The following ZP3 variants were observed in gnomAD, a reference collection of about 807,000 sequenced individuals.
The protein encoded by ZP3 is zona pellucida glycoprotein 3.
In ZP3, 21 loss-of-function variants were observed where a neutral mutation model predicts 35.6. That is an observed-to-expected ratio of 0.59 (90% CI 0.42 to 0.85). The LOEUF (loss-of-function observed/expected upper bound fraction) is 0.85. Among genes scored for constraint, ZP3 ranks in the 40% least tolerant of loss-of-function variants. ZP3 has a pLI of 0.00. For synonymous variants in ZP3, 207 were observed against 214.5 expected (o/e 0.96, Z 0.31); for missense variants, 437 against 536.5 (o/e 0.81, Z 1.83).
rs748821832 is a variant in ZP3, at chr7:76,397,656, A to G, written c.-208A>G. On this transcript the variant is annotated 5_prime_UTR_variant, in exon 1 of 9. Coordinates refer to the ZP3 transcript ENST00000336517. ...AGGATGTGTCCGGTGCCATAGCCGA[A>G]GAAGGCGTTGGTGGTGGCGGCCATG... 6.8e-6 allele frequency: 11 copies of G among 1,613,798 alleles called. No homozygotes were observed. The South Asian group carries it at 1.1e-4, about 16-fold the overall frequency.
intron 1 of ZP3, among the ~76,000 whole-genome samples, chr7:76,426,907 C>CACACACACACACACA (rs57796274): frequency 3.9e-5 from 5 of 126,870 alleles, no homozygotes; most frequent in East Asian, 2.3e-4. Flanking sequence ...CACACACACA[C>CACACACACACACACA]AATAGGGTGT....
intron 1 of ZP3, among the ~76,000 whole-genome samples, chr7:76,414,786 C>G (rs73363103): frequency 0.015 from 1,932 of 127,810 alleles, 68 homozygotes; most frequent in East Asian, 0.047. Flanking sequence ...ACCGCCCCAC[C>G]TGCGCCTCCT....
At chr7:76,406,928 T>G (rs1158963487) in intron 1 of ZP3, among the ~76,000 whole-genome samples, 2 of 152,094 alleles carry the variant, frequency 1.3e-5, no homozygotes, top group East Asian at 3.8e-4. Context: ...TTTCTCATTT[T>G]ATTGGCACAT....
At chr7:76,430,083 G>A (rs1237836092) in intron 2 of ZP3, among the ~76,000 whole-genome samples, 2 of 152,068 alleles carry the variant, frequency 1.3e-5, no homozygotes, top group Non-Finnish European at 2.9e-5. Context: ...TTAGCCGGGT[G>A]TCTATAATCC....
At chr7:76,405,302 TATATATA>T (rs1563686883) in intron 1 of ZP3, among the ~76,000 whole-genome samples, 8 of 58,346 alleles carry the variant, frequency 1.4e-4, no homozygotes, top group African/African-American at 2.3e-4. Flanking sequence ...TATATATATA[TATATATA>T]TATATATGTA....
chr7:76,397,573 C>G (rs1804677661), exon 1 of ZP3: 3 of 1,608,128 alleles, frequency 1.9e-6, no homozygotes, highest in Admixed American at 3.4e-5. Context: ...CACCCCAGCC[C>G]AGGCTCTGGC....
intron 1 of ZP3, among the ~76,000 whole-genome samples, chr7:76,417,588 A>G (rs1265647513): frequency 3.9e-5 from 6 of 151,902 alleles, no homozygotes; most frequent in East Asian, 1.9e-4. Flanking sequence ...ACACGTAGAA[A>G]GAAAAGTACT....
At chr7:76,431,591 T>C (rs949816231) in intron 2 of ZP3, among the ~76,000 whole-genome samples, 3 of 152,156 alleles carry the variant, frequency 2.0e-5, no homozygotes, top group East Asian at 1.9e-4. Context: ...CCTAAGGGCC[T>C]GTCTTTGATC....
At chr7:76,423,067 GAAAGAAAGAAAGAAAGA>G (rs1584053402), upstream of ZP3, among the ~76,000 whole-genome samples, 107 of 143,466 alleles carry the variant, frequency 7.5e-4, 1 homozygote, top group East Asian at 4.6e-3. Flanking sequence ...AAGAAAGAAA[GAAAGAAAGAAAGAAAGA>G]AAAGAAATTG....
intron 2 of ZP3, among the ~76,000 whole-genome samples, 154 bp from the exon 3 acceptor site, chr7:76,432,773 C>T (rs1805869799): frequency 1.3e-5 from 2 of 152,234 alleles, no homozygotes; most frequent in Admixed American, 6.6e-5. Flanking sequence ...CAGCCTCAGG[C>T]TCAAGGTGTC....
At chr7:76,427,098 C>T (rs1473343886) in intron 1 of ZP3, among the ~76,000 whole-genome samples, 1 of 152,084 alleles carries the variant, frequency 6.6e-6, no homozygotes, top group Non-Finnish European at 1.5e-5. Context: ...GATGTCCAGG[C>T]TGCTAAAATA....
chr7:76,417,443 T>C (rs1805404732), intron 1 of ZP3, among the ~76,000 whole-genome samples: 1 of 152,132 alleles, frequency 6.6e-6, no homozygotes, highest in South Asian at 2.1e-4. Context: ...AGCTAAAGTC[T>C]GGAAACAGAA....
chr7:76,433,460 T>C lies in ZP3; in HGVS notation c.536-10T>C. On this transcript the variant is annotated splice_polypyrimidine_tract_variant and intron_variant, in intron 3 of 7. Coordinates refer to ENST00000394857, the MANE Select transcript of ZP3 (RefSeq NM_001110354.2). Reference sequence around the variant, plus strand: ...ATGAGCCACCATGCCCAGCTGACTGTGTCTTTCAGAGAACTGGAACGCTGA... The same window carrying C: ...ATGAGCCACCATGCCCAGCTGACTGCGTCTTTCAGAGAACTGGAACGCTGA... The C allele has an allele frequency of 6.2e-7, 1 of 1,609,360 alleles. No individual in the cohort carries two copies. Among genetic ancestry groups the C allele is most frequent in the South Asian group, 1.1e-5 (1 of 90,474 alleles).
upstream of ZP3, among the ~76,000 whole-genome samples, chr7:76,423,007 A>AAGAAAG (rs1805544147): frequency 1.3e-5 from 1 of 76,066 alleles, no homozygotes; most frequent in African/African-American, 5.9e-5. Flanking sequence ...AAAAGAAAGA[A>AAGAAAG]AGAGAGAGAG....
At chr7:76,423,141 A>G (rs1472173231), upstream of ZP3, among the ~76,000 whole-genome samples, 2 of 151,662 alleles carry the variant, frequency 1.3e-5, no homozygotes, top group Non-Finnish European at 2.9e-5. Context: ...ATTGGAGCTT[A>G]TGCCCAGACA....
chr7:76,402,858 G>C (rs931561766), intron 1 of ZP3, among the ~76,000 whole-genome samples: 5 of 151,882 alleles, frequency 3.3e-5, no homozygotes, highest in African/African-American at 1.2e-4. Context: ...GTAGAGATGG[G>C]GTTTCTGCAT....
chr7:76,424,197 C>G (rs1377030253), upstream of ZP3, among the ~76,000 whole-genome samples: 1 of 152,150 alleles, frequency 6.6e-6, no homozygotes, highest in Non-Finnish European at 1.5e-5. Context: ...GCTCCCTTGC[C>G]GGGCTGCGAG....
At chr7:76,400,301 C>T (rs754721371) in intron 1 of ZP3, 1 of 1,496,696 alleles carries the variant, frequency 6.7e-7, no homozygotes, top group South Asian at 1.4e-5. Context: ...CACAGGACAG[C>T]CACATCCTCG....
intron 1 of ZP3, among the ~76,000 whole-genome samples, chr7:76,399,741 C>T (rs765844732): frequency 1.6e-4 from 24 of 152,130 alleles, no homozygotes; most frequent in Non-Finnish European, 3.4e-4. Flanking sequence ...CCAAGATGGT[C>T]TCAAACTCCT....
Sources: allele counts gnomAD v4.1 joint callset (sites outside exome capture counted in the v4.1 genomes callset), GRCh38; gene constraint gnomAD v4.1.1; transcripts MANE v1.5; gene names NCBI Gene and HGNC (gene_info 2026-07-23, HGNC 2026-07-21).